Variants in RAB8A observed in about 807,000 individuals in gnomAD.
RAB8A encodes RAB8A, member RAS oncogene family.
Under a neutral mutation model 29.2 loss-of-function variants are expected in RAB8A, and 5 were observed. The observed-to-expected ratio is 0.17, with a 90% CI of 0.09 to 0.36. RAB8A has a LOEUF of 0.36. RAB8A is among the 10% of genes least tolerant of loss of function. The probability of loss-of-function intolerance (pLI) is 1.00; values close to 1 mark genes in which losing one functional copy is unlikely to be tolerated. For missense variants in RAB8A, 171 were observed against 272.2 expected, an observed-to-expected ratio of 0.63 and a Z score of 2.62; for synonymous variants, 108 against 99.9, an observed-to-expected ratio of 1.08 and a Z score of -0.49.
intron 1 of RAB8A, 97 bp from the exon 2 acceptor site, chr19:16,118,129 A>C: frequency 9.6e-7 from 1 of 1,039,134 alleles, no homozygotes; most frequent in Non-Finnish European, 1.5e-6. Context: ...TCCGTAAGCC[A>C]CAACAGCTGT....
At chr19:16,121,863 G>A (rs1410899882) in intron 3 of RAB8A, 53 bp downstream of exon 3, 1 of 1,516,384 alleles carries the variant, frequency 6.6e-7, no homozygotes, top group Non-Finnish European at 9.2e-7. Flanking sequence ...CAACATGGGA[G>A]CGTCACTGTG....
intron 1 of RAB8A, chr19:16,112,287 G>C: frequency 2.0e-6 from 1 of 489,664 alleles, no homozygotes; most frequent in Non-Finnish European, 3.7e-6. Context: ...TTATGTCTTG[G>C]GCTGGGGTCT....
chr19:16,133,821 C>T lies in RAB8A; in HGVS notation c.*1517C>T, dbSNP rs908682824. 3 of 152,430 alleles carry T rather than the reference C, an allele frequency of 2.0e-5. No individual in the cohort carries two copies. The highest frequency in any genetic ancestry group is 4.8e-5 in the African/African-American group (2 of 41,464). The allele number at this position is 152,430 out of a possible 1,614,324, so 9.4% of individuals were successfully genotyped here. ...TCCTGGCTTGGTGCAGTGGCTCACA[C>T]CTGTAATCCCAGCACTCTGGGAGGC... On this transcript the variant is annotated 3_prime_UTR_variant, in exon 8 of 8. Coordinates refer to ENST00000300935, the MANE Select transcript of RAB8A (RefSeq NM_005370.5).
rs2090937187 is a variant in RAB8A at position 16,133,243 on chromosome 19, G to A, written c.*939G>A. 2 of 152,242 alleles carry A rather than the reference G, an allele frequency of 1.3e-5. No individual in the cohort carries two copies. Among genetic ancestry groups the A allele is most frequent in the South Asian group, 4.1e-4 (2 of 4,834 alleles). 9.4% of individuals were successfully genotyped at this position (152,242 alleles called of 1,614,324 possible). A position where few individuals can be genotyped will look rare whatever the true frequency, so the allele number is the denominator to read the frequency against. On this transcript the variant is annotated 3_prime_UTR_variant, in exon 8 of 8. Coordinates refer to ENST00000300935, the MANE Select transcript of RAB8A (RefSeq NM_005370.5). ...TTGACTTCCAATGGCAAACCTGGGT[G>A]ATCGGGAACAAGCACGTTGTACCCT... is the stretch of plus-strand genomic sequence containing the variant.
At chr19:16,113,551 G>A (rs145243435) in intron 1 of RAB8A, among the ~76,000 whole-genome samples, 2,041 of 152,124 alleles carry the variant, frequency 0.013, 48 homozygotes, top group African/African-American at 0.044. Flanking sequence ...ATAGGCACCC[G>A]CCACCACGTC....
rs1386971767 is a variant in RAB8A at position 16,122,891 on chromosome 19, A to C, written c.246+1081A>C. Among the ~76,000 whole-genome samples the C allele has an allele frequency of 6.6e-6, 1 of 152,072 alleles. No homozygotes were observed. Among genetic ancestry groups the C allele is most frequent in the African/African-American group, 2.4e-5 (1 of 41,410 alleles). ...GAGGGTGGGCAGGCGGCCTGAGGGCACTGGGGTCTTGGGGAGCTTCAGCCT... is the reference window on the plus strand; with the variant it reads ...GAGGGTGGGCAGGCGGCCTGAGGGCCCTGGGGTCTTGGGGAGCTTCAGCCT... On this transcript the variant is annotated intron_variant, in intron 3 of 7. Transcript: ENST00000300935. The surrounding 1 kb of genome is among the most constrained non-coding windows in gnomAD (Gnocchi z 4.7).
chr19:16,131,852 ATGGTTGGTTGGTTGGTTGGT>A lies in RAB8A; in HGVS notation c.532-332_532-313del, dbSNP rs72439769. Among the ~76,000 whole-genome samples the A allele has an allele frequency of 1.7e-3, 238 of 142,522 alleles. 1 individual carries two copies. Among genetic ancestry groups the A allele is most frequent in the Middle Eastern group, 0.015 (4 of 274 alleles). 93.5% of individuals were successfully genotyped at this position (142,522 alleles called of 152,430 possible). A position where few individuals can be genotyped will look rare whatever the true frequency, so the allele number is the denominator to read the frequency against. The stretch of plus-strand genomic sequence containing the variant: ...TGGATGGTTGAAAGGGTATAGATGG[ATGGTTGGTTGGTTGGTTGGT>A]TGGTTGGTTGGTTGGTTGGTTGGTT... On this transcript the variant is annotated intron_variant, in intron 7 of 7. Transcript: ENST00000300935.
chr19:16,132,126 G>A lies in RAB8A; in HGVS notation c.532-86G>A. The A allele has an allele frequency of 9.5e-7, 1 of 1,048,366 alleles. No individual in the cohort carries two copies. Among genetic ancestry groups the A allele is most frequent in the Admixed American group, 1.8e-5 (1 of 54,188 alleles). 64.9% of individuals were successfully genotyped at this position (1,048,366 alleles called of 1,614,324 possible). A position where few individuals can be genotyped will look rare whatever the true frequency, so the allele number is the denominator to read the frequency against. On this transcript the variant is annotated intron_variant, in intron 7 of 7. Coordinates refer to ENST00000300935, the MANE Select transcript of RAB8A (RefSeq NM_005370.5). This position sits in a 1 kb window ranked among gnomAD's most constrained non-coding sequence, Gnocchi z 5.6. ...GTTGGATGGTTGGATGGATGGTTAG[G>A]TGGATGGTTAGGTGGATGGCTGGTT...
At chr19:16,115,556 C>T (rs887941672) in intron 1 of RAB8A, among the ~76,000 whole-genome samples, 1 of 152,152 alleles carries the variant, frequency 6.6e-6, no homozygotes, top group African/African-American at 2.4e-5. Flanking sequence ...AAAGGGTTGG[C>T]ATTTGAGAAA....
At chr19:16,128,591 C>T (rs1328303664) in intron 6 of RAB8A, among the ~76,000 whole-genome samples, 2 of 152,148 alleles carry the variant, frequency 1.3e-5, no homozygotes, top group African/African-American at 4.8e-5. Flanking sequence ...GGCGGATCTT[C>T]CATATCACTC....
chr19:16,117,626 C>T lies in RAB8A; in HGVS notation c.125-600C>T, dbSNP rs557558804. On this transcript the variant is annotated intron_variant, in intron 1 of 7. Transcript: ENST00000300935. ...AACATCAAGGTGGCTGCGAGGTCAC[C>T]GTGGGGAAAGGGGATGAAAGCGGGA... Among the ~76,000 whole-genome samples the T allele has an allele frequency of 5.9e-5, 9 of 151,852 alleles. No individual in the cohort carries two copies. The East Asian group carries it at 1.5e-3, about 26-fold the overall frequency.
chr19:16,114,437 C>A (rs995948770), intron 1 of RAB8A, among the ~76,000 whole-genome samples: 3 of 140,240 alleles, frequency 2.1e-5, no homozygotes, highest in East Asian at 2.1e-4. Flanking sequence ...AGTGCAGTGG[C>A]GCGATCTCGG....
intron 6 of RAB8A, 47 bp downstream of exon 6, chr19:16,128,138 C>T: frequency 1.3e-6 from 2 of 1,593,868 alleles, no homozygotes; most frequent in South Asian, 2.2e-5. Context: ...CAGGATCGGC[C>T]CCTTCAGGCT....
chr19:16,134,217 CAAT>C lies in RAB8A; in HGVS notation c.*1914_*1916del, dbSNP rs1463627872. ...CACACCCCATGCTTAACTCCCCCAA[CAAT>C]GAGTTGTAACAACAGGTGTGTAATG... On this transcript the variant is annotated 3_prime_UTR_variant, in exon 8 of 8. Coordinates refer to ENST00000300935, the MANE Select transcript of RAB8A (RefSeq NM_005370.5). 2 of 152,274 alleles carry C rather than the reference CAAT, an allele frequency of 1.3e-5. No individual in the cohort carries two copies. Among genetic ancestry groups the C allele is most frequent in the Non-Finnish European group, 2.9e-5 (2 of 68,080 alleles). 9.4% of individuals were successfully genotyped at this position (152,274 alleles called of 1,614,324 possible). A position where few individuals can be genotyped will look rare whatever the true frequency, so the allele number is the denominator to read the frequency against.
Position 16,127,369 on chromosome 19 carries a change from G to C in RAB8A, c.325-68G>C. 9.6e-7 allele frequency: 1 copy of C among 1,047,040 alleles called. No homozygotes were observed. The highest frequency in any genetic ancestry group is 1.3e-6 in the Non-Finnish European group (1 of 763,328). The allele number at this position is 1,047,040 out of a possible 1,614,324, so 64.9% of individuals were successfully genotyped here. On this transcript the variant is annotated intron_variant, in intron 4 of 7. Transcript: ENST00000300935. The surrounding 1 kb of genome is among the most constrained non-coding windows in gnomAD (Gnocchi z 4.8). ...CCGCTCTGATTTCTGGGGACAGACT[G>C]TGTGTTGGCAGAGGCACCTGGCCTG...
rs750541798 is a variant in RAB8A at position 16,132,114 on chromosome 19, A to G, written c.532-98A>G. On this transcript the variant is annotated intron_variant, in intron 7 of 7. Coordinates refer to ENST00000300935, the MANE Select transcript of RAB8A (RefSeq NM_005370.5). The surrounding 1 kb of genome is among the most constrained non-coding windows in gnomAD (Gnocchi z 5.6). ...GTTGGTTGGTTGGTTGGATGGTTGGATGGATGGTTAGGTGGATGGTTAGGT... is the reference window on the plus strand; with the variant it reads ...GTTGGTTGGTTGGTTGGATGGTTGGGTGGATGGTTAGGTGGATGGTTAGGT... 1.7e-5 allele frequency: 16 copies of G among 958,740 alleles called. No homozygotes were observed. In the South Asian group the frequency reaches 2.1e-4, roughly 13 times the overall value. The allele number at this position is 958,740 out of a possible 1,614,324, so 59.4% of individuals were successfully genotyped here. A position where few individuals can be genotyped will look rare whatever the true frequency, so the allele number is the denominator to read the frequency against.
At chr19:16,115,252 C>T (rs769716598) in intron 1 of RAB8A, among the ~76,000 whole-genome samples, 10 of 151,878 alleles carry the variant, frequency 6.6e-5, no homozygotes, top group Non-Finnish European at 1.5e-4. Context: ...TGTGCCAGTG[C>T]ACTCCAGCCT....
intron 1 of RAB8A, among the ~76,000 whole-genome samples, chr19:16,114,803 A>G (rs2090839553): frequency 6.7e-6 from 1 of 150,186 alleles, no homozygotes; most frequent in Non-Finnish European, 1.5e-5. Flanking sequence ...TGACCCTAAG[A>G]TCCCTCCCTC....
In RAB8A at chr19:16,118,219, C is replaced by G; in HGVS notation, c.125-7C>G. Reference sequence around the variant, plus strand: ...CAGTGACGTGCCTTTTTTCTTTTTTCTTTCAGGAATTGACTTTAAAATTAG... The same window carrying G: ...CAGTGACGTGCCTTTTTTCTTTTTTGTTTCAGGAATTGACTTTAAAATTAG... On this transcript the variant is annotated splice_polypyrimidine_tract_variant and splice_region_variant and intron_variant, in intron 1 of 7. Coordinates refer to ENST00000300935, the MANE Select transcript of RAB8A (RefSeq NM_005370.5). 1 of 1,605,524 alleles carries G rather than the reference C, an allele frequency of 6.2e-7. No individual in the cohort carries two copies. Among genetic ancestry groups the G allele is most frequent in the Non-Finnish European group, 8.5e-7 (1 of 1,179,008 alleles).
Sources: gnomAD v4.1 joint callset for allele counts (sites outside exome capture counted in the v4.1 genomes callset) on GRCh38, gnomAD v4.1.1 for gene constraint, Gnocchi (gnomAD v3.1) non-coding constraint, MANE v1.5 for transcripts, NCBI Gene and HGNC (gene_info 2026-07-23, HGNC 2026-07-21) for gene names.